Variants in SHISA9 observed in about 807,000 individuals in gnomAD.
SHISA9 encodes the protein protein shisa-9.
In SHISA9, 13 loss-of-function variants were observed where a neutral mutation model predicts 38.0. That is an observed-to-expected ratio of 0.34 (90% CI 0.22 to 0.54). The LOEUF is 0.54. Among genes scored for constraint, SHISA9 ranks in the 20% least tolerant of loss-of-function variants. SHISA9 has a pLI of 0.91. For synonymous variants in SHISA9, 275 were observed against 242.0 expected (o/e 1.14, Z -1.27); for missense variants, 538 against 575.8 (o/e 0.93, Z 0.67).
intron 2 of SHISA9, among the ~76,000 whole-genome samples, chr16:13,118,009 C>G (rs1222143778): frequency 1.3e-5 from 2 of 151,882 alleles, no homozygotes; most frequent in Non-Finnish European, 2.9e-5. Flanking sequence ...TGGTGAAACC[C>G]CATCTCTACT....
chr16:13,224,791 T>C (rs1174435602), intron 4 of SHISA9, among the ~76,000 whole-genome samples: 1 of 152,184 alleles, frequency 6.6e-6, no homozygotes, highest in Non-Finnish European at 1.5e-5. Context: ...GGAGGGTTTT[T>C]CAGGAGGTAG....
At chr16:12,940,026 T>C (rs984795993) in intron 2 of SHISA9, among the ~76,000 whole-genome samples, 3 of 152,222 alleles carry the variant, frequency 2.0e-5, no homozygotes, top group Non-Finnish European at 4.4e-5. Flanking sequence ...ATTCTTACTC[T>C]GTAGGCAACT....
chr16:13,435,629 G>A, the SHISA9 span, among the ~76,000 whole-genome samples: 1 of 152,192 alleles, frequency 6.6e-6, no homozygotes, highest in African/African-American at 2.4e-5. Context: ...GGAAAAAAAA[G>A]AGTACATCCT....
At chr16:13,062,047 C>T (rs145997147) in intron 2 of SHISA9, among the ~76,000 whole-genome samples, 4 of 152,170 alleles carry the variant, frequency 2.6e-5, no homozygotes, top group African/African-American at 4.8e-5. Flanking sequence ...GTTCCAGCTC[C>T]GATTATTTTT....
chr16:13,265,398 C>G, the SHISA9 span, among the ~76,000 whole-genome samples: 1 of 112,758 alleles, frequency 8.9e-6, no homozygotes, highest in East Asian at 2.9e-4. Context: ...TTCCTCTCCT[C>G]TCCTCTTTCT....
the SHISA9 span, among the ~76,000 whole-genome samples, chr16:13,353,141 TG>T: frequency 2.9e-4 from 44 of 151,968 alleles, no homozygotes; most frequent in East Asian, 8.4e-3. Flanking sequence ...CAAGCGGGAT[TG>T]GGGGCGGTGT....
intron 2 of SHISA9, among the ~76,000 whole-genome samples, chr16:13,148,689 GCACACACA>G (rs3075124): frequency 3.0e-5 from 4 of 132,540 alleles, no homozygotes; most frequent in South Asian, 4.7e-4. Flanking sequence ...ACATACACAA[GCACACACA>G]CACACACACA....
chr16:12,998,058 G>A lies in SHISA9; in HGVS notation c.691+81243G>A, dbSNP rs765843322. On this transcript the variant is annotated intron_variant, in intron 2 of 4. Coordinates refer to ENST00000558583, the MANE Select transcript of SHISA9 (RefSeq NM_001145204.3). The stretch of plus-strand genomic sequence containing the variant: ...GTATTTTATTCACTGTTGTATCTGC[G>A]GTACCTGTACATAAGACAAAGTAAT... 3.9e-5 allele frequency among the ~76,000 whole-genome samples: 6 copies of A among 152,080 alleles called. No individual in the cohort carries two copies. In the East Asian group the frequency reaches 7.7e-4, roughly 20 times the overall value.
chr16:13,204,164 A>ATCTATCTG (rs1429071474), intron 3 of SHISA9, among the ~76,000 whole-genome samples: 4 of 146,014 alleles, frequency 2.7e-5, no homozygotes, highest in African/African-American at 7.8e-5. Context: ...CTATCTATCT[A>ATCTATCTG]TCTATTTATC....
intron 2 of SHISA9, among the ~76,000 whole-genome samples, chr16:13,144,157 C>CTT (rs755627867): frequency 7.0e-5 from 9 of 127,810 alleles, no homozygotes; most frequent in Admixed American, 2.4e-4. Flanking sequence ...GGGGCTAGTT[C>CTT]TTTTTTTTTT....
At chr16:13,278,038 T>C in the SHISA9 span, among the ~76,000 whole-genome samples, 1 of 152,128 alleles carries the variant, frequency 6.6e-6, no homozygotes, top group African/African-American at 2.4e-5. Flanking sequence ...TTCAGTGTTA[T>C]GTTGGCTGTG....
the SHISA9 span, among the ~76,000 whole-genome samples, chr16:13,555,139 G>A: frequency 0.82 from 124,716 of 152,192 alleles, 51,450 homozygotes; most frequent in East Asian, 0.99. Flanking sequence ...AGTCAGAGAG[G>A]ATGAAAGTCT....
intron 2 of SHISA9, among the ~76,000 whole-genome samples, chr16:13,120,603 T>G (rs916236467): frequency 1.3e-5 from 2 of 152,064 alleles, no homozygotes; most frequent in Non-Finnish European, 2.9e-5. Context: ...CAGCCTGACT[T>G]TTTGCAAATA....
intron 1 of SHISA9, among the ~76,000 whole-genome samples, chr16:12,916,046 A>G (rs1244800696): frequency 8.7e-6 from 1 of 114,808 alleles, no homozygotes; most frequent in African/African-American, 3.4e-5. Context: ...GTTTACATCT[A>G]ATCATGAAGG....
chr16:12,908,279 C>T (rs1196901257), intron 1 of SHISA9, among the ~76,000 whole-genome samples: 2 of 152,188 alleles, frequency 1.3e-5, no homozygotes, highest in Non-Finnish European at 2.9e-5. Context: ...GTCTCCTAAC[C>T]TCTCTGGACT....
the SHISA9 span, among the ~76,000 whole-genome samples, chr16:13,419,184 C>T: frequency 6.6e-6 from 1 of 152,198 alleles, no homozygotes; most frequent in African/African-American, 2.4e-5. Context: ...AATTAATATA[C>T]ATTAAATAAT....
intron 2 of SHISA9, among the ~76,000 whole-genome samples, chr16:13,192,432 A>G (rs1446662229): frequency 2.0e-5 from 3 of 152,136 alleles, no homozygotes; most frequent in Admixed American, 2.0e-4. Context: ...AGTAAGTGGT[A>G]TAAGAGCTGG....
intron 2 of SHISA9, among the ~76,000 whole-genome samples, chr16:12,963,419 C>T (rs111698172): frequency 2.6e-5 from 4 of 152,016 alleles, no homozygotes; most frequent in South Asian, 2.1e-4. Flanking sequence ...GTGACACAGA[C>T]GTAAATAACC....
the SHISA9 span, among the ~76,000 whole-genome samples, chr16:13,555,911 C>T: frequency 1.3e-5 from 2 of 152,222 alleles, no homozygotes; most frequent in Non-Finnish European, 2.9e-5. Context: ...CAGTTCCTCA[C>T]TCTGCTACTC....
Sources: gnomAD v4.1 joint callset for allele counts (sites outside exome capture counted in the v4.1 genomes callset) on GRCh38, gnomAD v4.1.1 for gene constraint, MANE v1.5 for transcripts, NCBI Gene and HGNC (gene_info 2026-07-23, HGNC 2026-07-21) for gene names.